Variants in CAB39 observed in about 807,000 individuals in gnomAD.
CAB39 encodes the protein calcium binding protein 39, also known as calcium-binding protein 39.
Under a neutral mutation model 40.0 loss-of-function variants are expected in CAB39, and 8 were observed. The ratio of observed to expected loss-of-function variants is 0.20; its 90% confidence interval spans 0.12 to 0.36. CAB39 has a LOEUF of 0.36. Ranked by LOEUF, CAB39 falls within the 10% of genes least tolerant of loss-of-function variation. The pLI is 1.00. For synonymous variants in CAB39, 156 were observed against 141.6 expected (o/e 1.10, Z -0.72); for missense variants, 270 against 401.1 (o/e 0.67, Z 2.79).
chr2:230,754,457 C>A (rs1695152867), intron 1 of CAB39, among the ~76,000 whole-genome samples: 1 of 135,090 alleles, frequency 7.4e-6, no homozygotes, highest in Non-Finnish European at 1.5e-5. Flanking sequence ...CTTCCCCTTT[C>A]CCTCCTTCTT....
At position 230,721,156 on chromosome 2, in the gene CAB39, C is replaced by G. The variant is rs560119697; in HGVS notation, c.-44+7926C>G. ...AGTATAAGAAAACTTTTGCAGCCAG[C>G]ATGGTGGCTCGTGCCTGTAATCCCA... On this transcript the variant is annotated intron_variant, in intron 1 of 8. Coordinates refer to ENST00000258418, the MANE Select transcript of CAB39 (RefSeq NM_016289.4). 1.8e-3 allele frequency among the ~76,000 whole-genome samples: 273 copies of G among 152,300 alleles called. 2 individuals are homozygous for G. Among genetic ancestry groups the G allele is most frequent in the African/African-American group, 6.5e-3 (269 of 41,546 alleles).
intron 1 of CAB39, among the ~76,000 whole-genome samples, chr2:230,751,979 G>A (rs947097244): frequency 1.7e-4 from 25 of 145,330 alleles, no homozygotes; most frequent in African/African-American, 6.1e-4. Context: ...TTAACTCTCT[G>A]TGATGGACTT....
intron 1 of CAB39, among the ~76,000 whole-genome samples, chr2:230,720,528 C>T (rs376412134): frequency 2.0e-5 from 3 of 152,102 alleles, no homozygotes; most frequent in Non-Finnish European, 2.9e-5. Context: ...CTCCGCCTCC[C>T]GGGTTCAAGC....
chr2:230,743,803 A>G (rs1694925025), intron 1 of CAB39, among the ~76,000 whole-genome samples: 1 of 152,154 alleles, frequency 6.6e-6, no homozygotes, highest in Non-Finnish European at 1.5e-5. Context: ...AAATATTAAT[A>G]TAAAGAAAGA....
chr2:230,737,149 A>G lies in CAB39; in HGVS notation c.-43-22810A>G, dbSNP rs145741691. ...TTTTAATAGACACAGTTTTAAAGTA[A>G]TTTTTAGAAAAAATTTTTTAAATTG... On this transcript the variant is annotated intron_variant, in intron 1 of 8. Transcript: ENST00000258418. Among the ~76,000 whole-genome samples, 13 of 152,316 alleles carry G rather than the reference A, an allele frequency of 8.5e-5. No individual in the cohort carries two copies. In the East Asian group the frequency reaches 2.5e-3, roughly 29 times the overall value.
At chr2:230,734,887 T>A (rs1007717598) in intron 1 of CAB39, among the ~76,000 whole-genome samples, 3 of 152,148 alleles carry the variant, frequency 2.0e-5, no homozygotes, top group African/African-American at 7.2e-5. Flanking sequence ...TGGAACACTG[T>A]TCTGCATTAT....
intron 1 of CAB39, among the ~76,000 whole-genome samples, chr2:230,747,803 T>C (rs1449112926): frequency 6.6e-6 from 1 of 152,268 alleles, no homozygotes; most frequent in Non-Finnish European, 1.5e-5. Flanking sequence ...CTTCAACAGT[T>C]AATACTTTGC....
intron 2 of CAB39, among the ~76,000 whole-genome samples, chr2:230,780,446 G>C (rs1695667354): frequency 6.6e-6 from 1 of 152,092 alleles, no homozygotes; most frequent in East Asian, 1.9e-4. Context: ...ATCTAATTCA[G>C]GATCACACGT....
intron 1 of CAB39, among the ~76,000 whole-genome samples, chr2:230,742,558 CAAA>C (rs112074993): frequency 6.6e-5 from 4 of 60,410 alleles, no homozygotes; most frequent in Admixed American, 1.6e-4. Context: ...AACATATTTG[CAAA>C]AAAAAAAAAA....
At chr2:230,749,111 C>T (rs62193626) in intron 1 of CAB39, among the ~76,000 whole-genome samples, 16,486 of 149,582 alleles carry the variant, frequency 0.11, 1,101 homozygotes, top group Middle Eastern at 0.15. Context: ...TTTTAATGGG[C>T]GCTAATGTTT....
intron 1 of CAB39, among the ~76,000 whole-genome samples, chr2:230,743,266 G>A (rs1052093991): frequency 1.3e-5 from 2 of 152,114 alleles, no homozygotes; most frequent in African/African-American, 4.8e-5. Flanking sequence ...CTACGACAAA[G>A]TAAGGCCGGC....
At chr2:230,797,989 G>C (rs77250663) in intron 4 of CAB39, among the ~76,000 whole-genome samples, 2,578 of 152,282 alleles carry the variant, frequency 0.017, 69 homozygotes, top group African/African-American at 0.052. Context: ...GGGGGCGGAA[G>C]AGTCCAGTCA....
At chr2:230,755,522 G>A (rs1695173443) in intron 1 of CAB39, among the ~76,000 whole-genome samples, 1 of 152,118 alleles carries the variant, frequency 6.6e-6, no homozygotes, top group African/African-American at 2.4e-5. Flanking sequence ...GTTTGAGTTT[G>A]TTGTAGATTC....
chr2:230,818,797 T>A lies in CAB39; in HGVS notation c.*93T>A. 1.0e-6 allele frequency: 1 copy of A among 974,746 alleles called. No individual in the cohort carries two copies. Among genetic ancestry groups the A allele is most frequent in the Non-Finnish European group, 1.6e-6 (1 of 644,016 alleles). 60.4% of individuals were successfully genotyped at this position (974,746 alleles called of 1,614,324 possible). On this transcript the variant is annotated 3_prime_UTR_variant, in exon 9 of 9. Transcript: ENST00000258418. ...CTTATTGATTCATGAGGAACATTACTGCTAATCTGCTGTTAAGTGAACGGT... is the reference window on the plus strand; with the variant it reads ...CTTATTGATTCATGAGGAACATTACAGCTAATCTGCTGTTAAGTGAACGGT...
chr2:230,749,142 CAT>C (rs1029947437), intron 1 of CAB39, among the ~76,000 whole-genome samples: 13 of 151,084 alleles, frequency 8.6e-5, no homozygotes, highest in Admixed American at 5.9e-4. Flanking sequence ...CTTATATATA[CAT>C]ATGTTACTAT....
At chr2:230,761,175 A>G (rs1024741635) in intron 2 of CAB39, among the ~76,000 whole-genome samples, 2 of 152,152 alleles carry the variant, frequency 1.3e-5, no homozygotes, top group African/African-American at 4.8e-5. Flanking sequence ...GTATACATAG[A>G]CTGAAGGTAA....
rs909484869 is a variant in CAB39 at position 230,712,924 on chromosome 2, C to G, written c.-350C>G. On this transcript the variant is annotated 5_prime_UTR_variant, in exon 1 of 9. Coordinates refer to ENST00000258418, the MANE Select transcript of CAB39 (RefSeq NM_016289.4). ...CGGCGCGGCCTGGGAGACACAGAGC[C>G]TTCAGGCGCCGGGGCGGGGGCACAG... 6.6e-6 allele frequency: 1 copy of G among 151,780 alleles called. No homozygotes were observed. Among genetic ancestry groups the G allele is most frequent in the African/African-American group, 2.4e-5 (1 of 41,340 alleles). The allele number at this position is 151,780 out of a possible 1,614,324, so 9.4% of individuals were successfully genotyped here.
chr2:230,732,096 G>A (rs1220520509), intron 1 of CAB39, among the ~76,000 whole-genome samples: 7 of 150,062 alleles, frequency 4.7e-5, no homozygotes, highest in South Asian at 4.2e-4. Context: ...TTTTTTTGGC[G>A]GGGGAGGGGG....
intron 2 of CAB39, 32 bp from the exon 3 acceptor site, chr2:230,790,840 C>T (rs376258209): frequency 1.3e-5 from 20 of 1,562,598 alleles, no homozygotes; most frequent in Non-Finnish European, 1.7e-5. Context: ...ATTGTTTTTT[C>T]TCCTCTTCCC....
Sources: allele counts gnomAD v4.1 joint callset (sites outside exome capture counted in the v4.1 genomes callset), GRCh38; gene constraint gnomAD v4.1.1; transcripts MANE v1.5; gene names NCBI Gene and HGNC (gene_info 2026-07-23, HGNC 2026-07-21).